RYR3: variants seen among roughly 807,000 people sequenced by gnomAD.
The protein encoded by RYR3 is ryanodine receptor 3.
In RYR3, 207 loss-of-function variants were observed where a neutral mutation model predicts 584.3. That is an observed-to-expected ratio of 0.35 (90% CI 0.32 to 0.40). The LOEUF is 0.40. Ranked by LOEUF, RYR3 falls within the 10% of genes least tolerant of loss-of-function variation. The pLI is 1.00. For synonymous variants in RYR3, 2,416 were observed against 2,248.5 expected, an observed-to-expected ratio of 1.07 and a Z score of -2.11; for missense variants, 5,616 against 6,089.2, an observed-to-expected ratio of 0.92 and a Z score of 2.59.
At position 33,848,975 on chromosome 15, in the gene RYR3, A is replaced by ACAGG. The variant is rs529259735; in HGVS notation, c.13628+556_13628+559dup. On this transcript the variant is annotated intron_variant, in intron 94 of 103. Transcript: ENST00000634891. ...CTTAGCCTCCCGAGTAGCTGGGACT[A>ACAGG]CAGGCGCCTGCCACCACGCCTGGAT... is the stretch of plus-strand genomic sequence containing the variant. 5.4e-3 allele frequency: 824 copies of ACAGG among 152,308 alleles called. 2 individuals are homozygous for ACAGG. Among genetic ancestry groups the ACAGG allele is most frequent in the Non-Finnish European group, 8.7e-3 (593 of 68,450 alleles). The allele number at this position is 152,308 out of a possible 1,614,324, so 9.4% of individuals were successfully genotyped here.
chr15:33,823,627 A>G (rs370984658), intron 81 of RYR3, among the ~76,000 whole-genome samples: 1 of 152,280 alleles, frequency 6.6e-6, no homozygotes, highest in African/African-American at 2.4e-5. Context: ...AAGGCTTTGA[A>G]CTTTCCATTC....
chr15:33,753,854 G>A (rs115265681), intron 57 of RYR3, among the ~76,000 whole-genome samples: 261 of 152,190 alleles, frequency 1.7e-3, no homozygotes, highest in African/African-American at 5.0e-3. Flanking sequence ...TAAATAACTT[G>A]CTCACAGCAA....
chr15:33,648,254 A>G (rs1274074017), intron 30 of RYR3, among the ~76,000 whole-genome samples: 3 of 152,350 alleles, frequency 2.0e-5, no homozygotes, highest in Middle Eastern at 3.4e-3. Flanking sequence ...GATTTGTCCA[A>G]AGTCACATGA....
intron 81 of RYR3, 78 bp from the exon 82 acceptor site, chr15:33,825,525 G>A (rs1184174215): frequency 1.1e-5 from 10 of 895,844 alleles, no homozygotes; most frequent in South Asian, 2.9e-5. Flanking sequence ...ATGCTTAGTC[G>A]ATAGGTACAT....
chr15:33,797,533 C>T (rs72715173), intron 67 of RYR3, among the ~76,000 whole-genome samples: 2,302 of 152,244 alleles, frequency 0.015, 31 homozygotes, highest in Non-Finnish European at 0.025. Context: ...GCACTTACCA[C>T]TCTGAGCTTG....
At chr15:33,757,259 C>T (rs998871812) in intron 59 of RYR3, among the ~76,000 whole-genome samples, 1 of 152,134 alleles carries the variant, frequency 6.6e-6, no homozygotes, top group Non-Finnish European at 1.5e-5. Context: ...GCCCTTAGTC[C>T]ATGGCTGTCT....
intron 1 of RYR3, among the ~76,000 whole-genome samples, chr15:33,336,733 G>A (rs1014524352): frequency 4.0e-5 from 6 of 151,602 alleles, no homozygotes; most frequent in African/African-American, 1.5e-4. Flanking sequence ...TGCCTGTGAC[G>A]TTTGTATTGC....
chr15:33,656,235 T>C (rs748665622), intron 32 of RYR3, among the ~76,000 whole-genome samples: 46 of 152,192 alleles, frequency 3.0e-4, no homozygotes, highest in Non-Finnish European at 5.3e-4. Flanking sequence ...GATCAGCCAG[T>C]GATGAAAGGT....
chr15:33,605,781 G>A (rs2059877020), intron 18 of RYR3, among the ~76,000 whole-genome samples: 1 of 152,158 alleles, frequency 6.6e-6, no homozygotes, highest in Non-Finnish European at 1.5e-5. Flanking sequence ...CACCAGGACA[G>A]GCATGAATTT....
chr15:33,355,239 T>C (rs2140961532), intron 1 of RYR3, among the ~76,000 whole-genome samples: 1 of 152,000 alleles, frequency 6.6e-6, no homozygotes, highest in African/African-American at 2.4e-5. Flanking sequence ...GTCATCTTTA[T>C]ATTTTCCAAA....
intron 3 of RYR3, among the ~76,000 whole-genome samples, chr15:33,510,882 G>A (rs2052922233): frequency 6.6e-6 from 1 of 151,950 alleles, no homozygotes; most frequent in African/African-American, 2.4e-5. Flanking sequence ...TGATATAATG[G>A]ATTTTAATGT....
intron 11 of RYR3, 147 bp from the exon 12 acceptor site, chr15:33,566,531 C>T (rs1029632205): frequency 3.1e-5 from 25 of 802,288 alleles, no homozygotes; most frequent in East Asian, 2.2e-4. Flanking sequence ...GCAATAGCTT[C>T]GCTAATGTCC....
chr15:33,482,588 T>A (rs1046958023), intron 2 of RYR3, among the ~76,000 whole-genome samples: 2 of 152,030 alleles, frequency 1.3e-5, no homozygotes, highest in African/African-American at 2.4e-5. Flanking sequence ...CCTGGCTAAT[T>A]TTTGTATTTT....
At chr15:33,800,728 C>T in intron 67 of RYR3, 42 bp from the exon 68 acceptor site, 2 of 1,380,946 alleles carry the variant, frequency 1.4e-6, no homozygotes, top group East Asian at 2.3e-5. Flanking sequence ...ATTTTAATCT[C>T]TACTGAATTT....
Position 33,662,851 on chromosome 15 carries a change from TGGA to T in RYR3, c.5326_5328del (p.Glu1776del). On this transcript the variant is annotated inframe_deletion, in exon 35 of 104. Transcript: ENST00000634891. ...GCAGAAAAGGAGGAAGTGACCCAGG[TGGA>T]GGAGAAGGCTGTGGAGGCTGGGGAG... The T allele has an allele frequency of 6.2e-7, 1 of 1,613,588 alleles. No homozygotes were observed. The highest frequency in any genetic ancestry group is 8.5e-7 in the Non-Finnish European group (1 of 1,179,804).
chr15:33,472,882 C>T (rs1383157332), intron 1 of RYR3, among the ~76,000 whole-genome samples: 1 of 152,120 alleles, frequency 6.6e-6, no homozygotes, highest in Admixed American at 6.5e-5. Context: ...CTCCTTCACC[C>T]TCCATATCTT....
At chr15:33,314,817 G>A (rs961413153) in intron 1 of RYR3, among the ~76,000 whole-genome samples, 3 of 152,210 alleles carry the variant, frequency 2.0e-5, no homozygotes, top group African/African-American at 4.8e-5. Context: ...GGGAGGCAGA[G>A]GCGGGAGAAC....
chr15:33,707,413 C>A (rs1365517920), intron 43 of RYR3, among the ~76,000 whole-genome samples: 1 of 152,064 alleles, frequency 6.6e-6, no homozygotes, highest in Non-Finnish European at 1.5e-5. Flanking sequence ...ACATCTAGAT[C>A]CCTGGACTGT....
chr15:33,581,444 G>A, intron 13 of RYR3, 64 bp from the exon 14 acceptor site: 1 of 1,501,124 alleles, frequency 6.7e-7, no homozygotes, highest in Non-Finnish European at 9.2e-7. Context: ...GGAGGGGAAA[G>A]AGCATAAGGG....
Sources: gnomAD v4.1 joint callset for allele counts (sites outside exome capture counted in the v4.1 genomes callset) on GRCh38, gnomAD v4.1.1 for gene constraint, MANE v1.5 for transcripts, NCBI Gene and HGNC (gene_info 2026-07-23, HGNC 2026-07-21) for gene names.